NTM: variants seen among roughly 807,000 people sequenced by gnomAD.
The protein encoded by NTM is IgLON family member 2.
A neutral mutation model predicts 42.1 loss-of-function variants in NTM; 13 were observed. The observed-to-expected ratio is 0.31, with a 90% confidence interval of 0.20 to 0.49. NTM has a LOEUF of 0.49. NTM is among the 20% of genes least tolerant of loss of function. NTM has a pLI of 0.99. For missense variants in NTM, 373 were observed against 452.8 expected (o/e 0.82, Z 1.60); for synonymous variants, 187 against 179.2 (o/e 1.04, Z -0.35).
intron 1 of NTM, among the ~76,000 whole-genome samples, chr11:131,619,388 T>C (rs548800758): frequency 2.6e-5 from 4 of 152,288 alleles, no homozygotes; most frequent in East Asian, 3.9e-4. Flanking sequence ...CTGGAACACA[T>C]ATATCTCTAG....
intron 1 of NTM, among the ~76,000 whole-genome samples, chr11:131,472,813 T>G (rs1289393333): frequency 1.3e-5 from 2 of 152,072 alleles, no homozygotes; most frequent in African/African-American, 2.4e-5. Flanking sequence ...TAGTAAGAGG[T>G]AGACATTCAA....
At chr11:131,622,004 A>G (rs1391013420) in intron 1 of NTM, among the ~76,000 whole-genome samples, 2 of 152,168 alleles carry the variant, frequency 1.3e-5, no homozygotes, top group Non-Finnish European at 2.9e-5. Flanking sequence ...AAAGTACATG[A>G]GCCAGGAAAG....
intron 1 of NTM, among the ~76,000 whole-genome samples, chr11:131,373,809 T>G (rs984436421): frequency 6.6e-6 from 1 of 152,176 alleles, no homozygotes; most frequent in Non-Finnish European, 1.5e-5. Context: ...ACCTTTCTCA[T>G]TTCCTCACCT....
At chr11:131,948,671 G>A (rs1193298658) in intron 2 of NTM, among the ~76,000 whole-genome samples, 4 of 152,124 alleles carry the variant, frequency 2.6e-5, no homozygotes, top group Admixed American at 1.3e-4. Context: ...TATCTCAAGG[G>A]CTTCTTTTCT....
At chr11:132,194,651 C>T (rs57073848) in intron 3 of NTM, among the ~76,000 whole-genome samples, 7,672 of 151,882 alleles carry the variant, frequency 0.051, 353 homozygotes, top group East Asian at 0.12. Flanking sequence ...AAAAGGCATC[C>T]AAATAGGAAG....
intron 1 of NTM, among the ~76,000 whole-genome samples, chr11:131,869,247 G>A (rs2047530118): frequency 6.6e-6 from 1 of 152,190 alleles, no homozygotes; most frequent in Non-Finnish European, 1.5e-5. Context: ...GACTGGAAGA[G>A]GGAACAGGCG....
At chr11:132,204,500 T>G (rs557631881) in intron 3 of NTM, among the ~76,000 whole-genome samples, 1 of 152,264 alleles carries the variant, frequency 6.6e-6, no homozygotes, top group African/African-American at 2.4e-5. Context: ...GGGGGTTCTC[T>G]TGTAGAAAGG....
chr11:131,552,817 CA>C (rs61457986), intron 1 of NTM, among the ~76,000 whole-genome samples: 11,736 of 142,042 alleles, frequency 0.083, 629 homozygotes, highest in African/African-American at 0.16. Flanking sequence ...GACTCCGTCT[CA>C]AAAAAAAAAA....
At chr11:131,864,046 G>A (rs1003671465) in intron 1 of NTM, among the ~76,000 whole-genome samples, 31 of 152,100 alleles carry the variant, frequency 2.0e-4, no homozygotes, top group African/African-American at 5.3e-4. Flanking sequence ...ATAAGAAGTC[G>A]GGGGTCAGGG....
chr11:131,810,621 A>G (rs956813976), intron 1 of NTM, among the ~76,000 whole-genome samples: 1 of 152,238 alleles, frequency 6.6e-6, no homozygotes, highest in Non-Finnish European at 1.5e-5. Context: ...CTGGGTCCAG[A>G]GAACCCTCTG....
At position 131,819,295 on chromosome 11, in the gene NTM, T is replaced by A. The variant is rs868822558; in HGVS notation, c.83-92269T>A. Among the ~76,000 whole-genome samples, 34 of 152,290 alleles carry A rather than the reference T, an allele frequency of 2.2e-4. 1 individual carries two copies. In the Middle Eastern group the frequency reaches 0.014, roughly 61 times the overall value. ...GGGAGCATGCCACACTACAGAAGCCTGAGCTGCACCCCCAGAAATGTAAGT... is the reference window on the plus strand; with the variant it reads ...GGGAGCATGCCACACTACAGAAGCCAGAGCTGCACCCCCAGAAATGTAAGT... On this transcript the variant is annotated intron_variant, in intron 1 of 8. Coordinates refer to ENST00000683400, the MANE Select transcript of NTM (RefSeq NM_001352005.2).
intron 1 of NTM, among the ~76,000 whole-genome samples, chr11:131,774,787 C>T (rs559761351): frequency 2.6e-4 from 40 of 152,322 alleles, no homozygotes; most frequent in African/African-American, 9.4e-4. Context: ...ACTCTGAGTG[C>T]TGCTGTGGGC....
intron 1 of NTM, among the ~76,000 whole-genome samples, chr11:131,736,032 C>T (rs1445774136): frequency 6.6e-6 from 1 of 152,088 alleles, no homozygotes; most frequent in Non-Finnish European, 1.5e-5. Context: ...AGGGTTTTGC[C>T]ATGTTGGCCA....
intron 1 of NTM, among the ~76,000 whole-genome samples, chr11:131,754,708 C>T (rs2083092731): frequency 6.6e-6 from 1 of 151,942 alleles, no homozygotes; most frequent in Non-Finnish European, 1.5e-5. Context: ...CAGATAAAAT[C>T]ATATGTCTAC....
chr11:131,674,608 A>T (rs1359531963), intron 1 of NTM, among the ~76,000 whole-genome samples: 3 of 152,190 alleles, frequency 2.0e-5, no homozygotes, highest in African/African-American at 7.2e-5. Context: ...CATTGCTATG[A>T]TTGTAGTCTT....
intron 1 of NTM, among the ~76,000 whole-genome samples, chr11:131,504,225 C>A (rs1190340769): frequency 2.0e-5 from 3 of 152,204 alleles, no homozygotes; most frequent in Admixed American, 6.5e-5. Context: ...TCTCGCACAG[C>A]GCATGCCTGA....
At chr11:131,550,163 C>T (rs968620273) in intron 1 of NTM, among the ~76,000 whole-genome samples, 2 of 152,220 alleles carry the variant, frequency 1.3e-5, no homozygotes, top group Admixed American at 6.5e-5. Context: ...TTACTATGTG[C>T]CAAGCACAGT....
intron 1 of NTM, among the ~76,000 whole-genome samples, chr11:131,844,715 A>G (rs2044703647): frequency 6.6e-6 from 1 of 150,752 alleles, no homozygotes; most frequent in African/African-American, 2.4e-5. Context: ...ATTCTCACAA[A>G]CTCTATTTTT....
At chr11:131,496,273 G>A (rs1023667725) in intron 1 of NTM, among the ~76,000 whole-genome samples, 3 of 152,180 alleles carry the variant, frequency 2.0e-5, no homozygotes, top group Non-Finnish European at 4.4e-5. Flanking sequence ...CACCTCAAAG[G>A]ATGATGCATT....
Sources: allele counts gnomAD v4.1 joint callset (sites outside exome capture counted in the v4.1 genomes callset), GRCh38; gene constraint gnomAD v4.1.1; transcripts MANE v1.5; gene names NCBI Gene and HGNC (gene_info 2026-07-23, HGNC 2026-07-21).